Variants in SPTA1 observed in about 807,000 individuals in gnomAD.
SPTA1 encodes spectrin alpha chain, erythrocytic 1.
SPTA1 carries 177 observed loss-of-function variants against 324.7 expected under a neutral mutation model. The ratio of observed to expected loss-of-function variants is 0.55; its 90% confidence interval spans 0.48 to 0.62. The LOEUF (loss-of-function observed/expected upper bound fraction) is 0.62, where lower values mean the gene tolerates loss of function less well. Among genes scored for constraint, SPTA1 ranks in the 20% least tolerant of loss-of-function variants. The pLI, the probability that SPTA1 is intolerant of heterozygous loss-of-function variation, is 0.00. For synonymous variants in SPTA1, 1,195 were observed against 1,041.3 expected, an observed-to-expected ratio of 1.15 and a Z score of -2.84; for missense variants, 3,162 against 2,883.6, an observed-to-expected ratio of 1.10 and a Z score of -2.21.
intron 2 of SPTA1, among the ~76,000 whole-genome samples, chr1:158,684,266 C>T (rs1655018980): frequency 1.3e-5 from 2 of 151,894 alleles, no homozygotes; most frequent in South Asian, 4.2e-4. Flanking sequence ...AACTTAAGAG[C>T]CATGAATAGC....
chr1:158,662,427 T>C (rs1209533980), intron 17 of SPTA1, among the ~76,000 whole-genome samples: 1 of 152,188 alleles, frequency 6.6e-6, no homozygotes, highest in African/African-American at 2.4e-5. Flanking sequence ...TTCAAAGACC[T>C]TCACAGTTTT....
chr1:158,618,108 AT>A (rs1312284286), intron 45 of SPTA1, 52 bp from the exon 46 acceptor site: 1 of 1,527,678 alleles, frequency 6.5e-7, no homozygotes, highest in Non-Finnish European at 9.1e-7. Context: ...GGGAGATGAT[AT>A]GTTAAAATGG....
intron 7 of SPTA1, among the ~76,000 whole-genome samples, chr1:158,677,068 C>T (rs1654437080): frequency 1.3e-5 from 2 of 152,130 alleles, no homozygotes; most frequent in Non-Finnish European, 2.9e-5. Context: ...TTTCTGTGGG[C>T]TGACTCCCCT....
In SPTA1 at chr1:158,677,768, G is replaced by C; in HGVS notation, c.879C>G (p.Gly293=). ...KEPVLTSEDY[G]KDLVASEGLF... The stretch of plus-strand genomic sequence containing the variant: ...GTCCTTCAGAGGCAACAAGGTCTTT[G>C]CCATAGTCCTCAGAGGTGAGTACAG... Residue 293 remains glycine (G), a synonymous_variant, in exon 7 of 52, where the codon GGC becomes GGG. Transcript: ENST00000643759. 6.2e-7 allele frequency: 1 copy of C among 1,613,682 alleles called. No individual in the cohort carries two copies.
intron 30 of SPTA1, 86 bp downstream of exon 30, chr1:158,644,167 T>C (rs1651821602): frequency 2.0e-6 from 3 of 1,537,388 alleles, no homozygotes; most frequent in African/African-American, 1.4e-5. Context: ...AAAATGTTTA[T>C]AAATTATAAA....
At chr1:158,681,256 GAAGA>G (rs1654788355) in intron 4 of SPTA1, among the ~76,000 whole-genome samples, 1 of 152,082 alleles carries the variant, frequency 6.6e-6, no homozygotes, top group South Asian at 2.1e-4. Context: ...CATGGAAGTG[GAAGA>G]GAGATGAGCC....
chr1:158,644,149 AG>A, intron 30 of SPTA1, 103 bp downstream of exon 30: 4 of 1,472,608 alleles, frequency 2.7e-6, no homozygotes, highest in Admixed American at 2.0e-5. Flanking sequence ...AAAAAAAAAA[AG>A]TAAATCAAAA....
chr1:158,665,520 G>C (rs982781556), intron 16 of SPTA1, among the ~76,000 whole-genome samples: 1 of 152,136 alleles, frequency 6.6e-6, no homozygotes, highest in Non-Finnish European at 1.5e-5. Flanking sequence ...AATTGAATGG[G>C]CTGGAAGTGG....
At chr1:158,670,451 G>A (rs1653937855) in intron 12 of SPTA1, among the ~76,000 whole-genome samples, 1 of 152,112 alleles carries the variant, frequency 6.6e-6, no homozygotes, top group South Asian at 2.1e-4. Flanking sequence ...AATTAATGAG[G>A]GACTTGATAT....
chr1:158,661,433 G>A (rs1446448684), intron 17 of SPTA1, 24 bp from the exon 18 acceptor site: 2 of 1,613,528 alleles, frequency 1.2e-6, no homozygotes, highest in East Asian at 2.2e-5. Context: ...GAATTTCAAA[G>A]TTTCGGATTA....
intron 14 of SPTA1, among the ~76,000 whole-genome samples, chr1:158,668,430 T>G (rs1423457465): frequency 6.6e-6 from 1 of 152,148 alleles, no homozygotes; most frequent in Non-Finnish European, 1.5e-5. Context: ...AGAGATCTGT[T>G]TATTAAACAT....
rs547394768 is a variant in SPTA1 at position 158,677,917 on chromosome 1, C to G, written c.813-83G>C. The G allele has an allele frequency of 2.6e-6, 4 of 1,561,464 alleles. No homozygotes were observed. The Admixed American group carries it at 5.0e-5, about 20-fold the overall frequency. ...GGTCCAACAGAACTCACAGCAAGGA[C>G]CATCCTAGTTGACCCAGGAGCAATT... On this transcript the variant is annotated intron_variant, in intron 6 of 51. Transcript: ENST00000643759.
intron 27 of SPTA1, 142 bp from the exon 28 acceptor site, chr1:158,645,736 G>C (rs967230246): frequency 1.2e-6 from 1 of 860,590 alleles, no homozygotes; most frequent in Non-Finnish European, 1.9e-6. Flanking sequence ...CAGATCTTAC[G>C]TTTGCTGTTT....
chr1:158,638,354 A>G (rs1266415154), intron 35 of SPTA1, 113 bp from the exon 36 acceptor site: 3 of 1,065,698 alleles, frequency 2.8e-6, no homozygotes, highest in African/African-American at 1.6e-5. Context: ...TTGCTTTTAA[A>G]GACATGGAGT....
chr1:158,665,858 T>C (rs1653556054), intron 16 of SPTA1, among the ~76,000 whole-genome samples: 1 of 146,076 alleles, frequency 6.8e-6, no homozygotes, highest in Non-Finnish European at 1.5e-5. Context: ...ATAGTGAAGA[T>C]ACAGAGATGC....
At chr1:158,622,798 TA>T (rs1043582808) in intron 43 of SPTA1, 184 bp downstream of exon 43, 40 of 601,982 alleles carry the variant, frequency 6.6e-5, no homozygotes, top group South Asian at 1.2e-4. Context: ...TCAATCAATC[TA>T]AAAAAAATTT....
rs377051298 is a variant in SPTA1 at position 158,681,592 on chromosome 1, G to C, written c.466C>G (p.Arg156Gly). ...ACATACTGCTGGAACTTCAGGGCCC[G>C]CAGCAACTGGTCACCCTTCTCCAGG... ...LTLEKGDQLL[R>G]ALKFQQYVQE... The change falls in exon 4 of 52, where the codon CGG becomes GGG. Residue 156 changes from arginine to glycine, a missense_variant. By Grantham distance (125) the Arg-to-Gly change is moderately radical. Coordinates refer to ENST00000643759, the MANE Select transcript of SPTA1 (RefSeq NM_003126.4). The C allele has an allele frequency of 2.5e-6, 4 of 1,613,736 alleles. No individual in the cohort carries two copies. The South Asian group carries it at 3.3e-5, about 13-fold the overall frequency.
chr1:158,632,328 A>G (rs1314639206), intron 39 of SPTA1, among the ~76,000 whole-genome samples: 1 of 152,210 alleles, frequency 6.6e-6, no homozygotes, highest in East Asian at 1.9e-4. Context: ...ATTACAGTCA[A>G]GCAAGATGAA....
At chr1:158,671,508 C>T in intron 11 of SPTA1, 55 bp from the exon 12 acceptor site, 1 of 1,405,800 alleles carries the variant, frequency 7.1e-7, no homozygotes, top group Admixed American at 1.7e-5. Flanking sequence ...AGAAACATTC[C>T]TCTTGGCATA....
Sources: gnomAD v4.1 joint callset for allele counts (sites outside exome capture counted in the v4.1 genomes callset) on GRCh38, gnomAD v4.1.1 for gene constraint, MANE v1.5 for transcripts, NCBI Gene and HGNC (gene_info 2026-07-23, HGNC 2026-07-21) for gene names.